TMEM106B: variants seen among roughly 807,000 people sequenced by gnomAD.
TMEM106B encodes the protein transmembrane protein 106B.
A neutral mutation model predicts 31.1 loss-of-function variants in TMEM106B; 15 were observed. That is an observed-to-expected ratio of 0.48 (90% CI 0.32 to 0.74). The LOEUF (loss-of-function observed/expected upper bound fraction) is 0.74. TMEM106B is among the 30% of genes least tolerant of loss of function. The probability of loss-of-function intolerance (pLI) is 0.03; values close to 1 mark genes in which losing one functional copy is unlikely to be tolerated. For missense variants in TMEM106B, 283 were observed against 327.3 expected (o/e 0.86, Z 1.04); for synonymous variants, 126 against 112.5 (o/e 1.12, Z -0.76).
Position 12,231,929 on chromosome 7 carries a change from A to T in TMEM106B, c.779A>T (p.Gln260Leu). The change falls in exon 8 of 8, where the codon CAG becomes CTG. Residue 260 changes from glutamine (Q) to leucine (L), a missense_variant. By Grantham distance (113) the Gln-to-Leu change is moderately radical (BLOSUM62 -2). Around this residue, in one of 3 missense-constraint regions of TMEM106B, gnomAD observed 201 missense variants for 211.5 expected, o/e 0.95. Coordinates refer to ENST00000396668, the MANE Select transcript of TMEM106B (RefSeq NM_001134232.2). ...YVDCGRNTTY[Q>L]LGQSEYLNVL... is the part of the protein sequence containing the mutation. ...GACTGTGGAAGAAACACAACTTATC[A>T]GTTGGGGCAGTCTGAATATTTAAAT... The T allele has an allele frequency of 6.2e-7, 1 of 1,612,430 alleles. No homozygotes were observed. The highest frequency in any genetic ancestry group is 8.5e-7 in the Non-Finnish European group (1 of 1,178,864).
chr7:12,223,582 G>C (rs545274025), intron 3 of TMEM106B, among the ~76,000 whole-genome samples: 1 of 152,202 alleles, frequency 6.6e-6, no homozygotes, highest in East Asian at 1.9e-4. Flanking sequence ...CTGCTTCAGT[G>C]AATTCAGAGG....
chr7:12,230,589 T>G (rs1005190635), intron 6 of TMEM106B, 151 bp downstream of exon 6: 2 of 530,582 alleles, frequency 3.8e-6, no homozygotes, highest in Non-Finnish European at 6.5e-6. Context: ...TGTTCCTCTT[T>G]TTCAACATAT....
chr7:12,215,706 C>A, intron 2 of TMEM106B: 1 of 249,308 alleles, frequency 4.0e-6, no homozygotes. Flanking sequence ...CTGTGAGCCA[C>A]CACGCCTGGC....
At chr7:12,230,355 T>C (rs1781994948) in intron 5 of TMEM106B, 34 bp from the exon 6 acceptor site, 2 of 1,494,458 alleles carry the variant, frequency 1.3e-6, no homozygotes, top group Non-Finnish European at 9.3e-7. Context: ...GTTTTGATCT[T>C]GTTCTCTATC....
rs2128529922 is a variant in TMEM106B, at chr7:12,239,467, TC to T, written c.*7493del. 1 of 152,306 alleles carries T rather than the reference TC, an allele frequency of 6.6e-6. No individual in the cohort carries two copies. Among genetic ancestry groups the T allele is most frequent in the East Asian group, 1.9e-4 (1 of 5,178 alleles). 9.4% of individuals were successfully genotyped at this position (152,306 alleles called of 1,614,324 possible). ...AAGGAAATAGCACTTTTAATTTCCT[TC>T]AAGAACTTTTCCTTTGCCTTCACAA... On this transcript the variant is annotated 3_prime_UTR_variant, in exon 8 of 8. Transcript: ENST00000396668.
intron 6 of TMEM106B, 160 bp from the exon 7 acceptor site, chr7:12,230,902 G>A: frequency 1.9e-6 from 1 of 516,878 alleles, no homozygotes; most frequent in Non-Finnish European, 3.4e-6. Flanking sequence ...CGAGTAAGAA[G>A]TCATGAATAT....
chr7:12,215,097 G>A (rs1187513120), intron 2 of TMEM106B, 70 bp downstream of exon 2: 2 of 1,381,432 alleles, frequency 1.4e-6, no homozygotes, highest in Admixed American at 4.2e-5. Flanking sequence ...AAAAACTGTG[G>A]GTCTCAGGAA....
chr7:12,231,248 G>A (rs962325580), intron 7 of TMEM106B, 133 bp downstream of exon 7: 4 of 622,798 alleles, frequency 6.4e-6, no homozygotes, highest in African/African-American at 3.9e-5. Context: ...AGTGCTATGA[G>A]TAAATATCAC....
intron 1 of TMEM106B, among the ~76,000 whole-genome samples, chr7:12,212,947 T>C (rs575244701): frequency 2.0e-5 from 3 of 152,336 alleles, no homozygotes; most frequent in African/African-American, 7.2e-5. Context: ...AGGAGTATAA[T>C]TATGTTATTT....
At chr7:12,213,922 G>A (rs920669912) in intron 1 of TMEM106B, among the ~76,000 whole-genome samples, 3 of 152,096 alleles carry the variant, frequency 2.0e-5, no homozygotes, top group Admixed American at 1.3e-4. Flanking sequence ...GTGGGTGGAG[G>A]GGATTGAACA....
chr7:12,222,395 G>A (rs1309350084), intron 3 of TMEM106B, among the ~76,000 whole-genome samples: 1 of 152,114 alleles, frequency 6.6e-6, no homozygotes, highest in African/African-American at 2.4e-5. Flanking sequence ...GTTCAGTAAT[G>A]TTCGTTATGG....
intron 4 of TMEM106B, among the ~76,000 whole-genome samples, chr7:12,225,971 A>C (rs1421637847): frequency 6.6e-6 from 1 of 151,978 alleles, no homozygotes; most frequent in Non-Finnish European, 1.5e-5. Context: ...GTTTTCTTCT[A>C]GGGTTTTTAT....
In TMEM106B at chr7:12,234,597, GGAATA is replaced by G. The variant is rs982044188; in HGVS notation, c.*2624_*2628del. The G allele has an allele frequency of 6.6e-5, 10 of 151,842 alleles. No individual in the cohort carries two copies. The highest frequency in any genetic ancestry group is 2.4e-4 in the African/African-American group (10 of 41,504). 9.4% of individuals were successfully genotyped at this position (151,842 alleles called of 1,614,324 possible). A position where few individuals can be genotyped will look rare whatever the true frequency, so the allele number is the denominator to read the frequency against. Reference sequence around the variant, plus strand: ...AATGTCCAGTGTGCTTTTTTCCATGGGAATAGGATAGGTATTAATACGCTTTTCTA... The same window carrying G: ...AATGTCCAGTGTGCTTTTTTCCATGGGGATAGGTATTAATACGCTTTTCTA... On this transcript the variant is annotated 3_prime_UTR_variant, in exon 8 of 8. Transcript: ENST00000396668.
rs548247737 is a variant in TMEM106B, at chr7:12,219,387, C to T, written c.281+866C>T. The stretch of plus-strand genomic sequence containing the variant: ...AAAGCAACGCTGGCATATTCCATCA[C>T]CGCAAATGAAACCTTTTCTTGAAAG... On this transcript the variant is annotated intron_variant, in intron 3 of 7. Transcript: ENST00000396668. Among the ~76,000 whole-genome samples, 10 of 152,304 alleles carry T rather than the reference C, an allele frequency of 6.6e-5. No individual in the cohort carries two copies. In the South Asian group the frequency reaches 1.9e-3, roughly 28 times the overall value.
Position 12,237,925 on chromosome 7 carries a change from C to G in TMEM106B, c.*5950C>G, listed in dbSNP as rs1782172451. 6.6e-6 allele frequency: 1 copy of G among 152,042 alleles called. No homozygotes were observed. The highest frequency in any genetic ancestry group is 1.5e-5 in the Non-Finnish European group (1 of 68,116). The allele number at this position is 152,042 out of a possible 1,614,324, so 9.4% of individuals were successfully genotyped here. On this transcript the variant is annotated 3_prime_UTR_variant, in exon 8 of 8. Transcript: ENST00000396668. ...TATACTCCTTTTGCCGGCACAGGAT[C>G]TTGTCTGGATGTTGTTTGCTGATAG...
intron 1 of TMEM106B, among the ~76,000 whole-genome samples, chr7:12,212,494 T>C (rs1422035003): frequency 3.8e-5 from 1 of 26,174 alleles, no homozygotes; most frequent in African/African-American, 1.2e-4. Context: ...AAATACATAG[T>C]TTTTTTTTTT....
rs367778603 is a variant in TMEM106B at position 12,230,409 on chromosome 7, C to T, written c.603C>T (p.Thr201=). 33 of 1,602,528 alleles carry T rather than the reference C, an allele frequency of 2.1e-5. No homozygotes were observed. Among genetic ancestry groups the T allele is most frequent in the South Asian group, 2.2e-5 (2 of 89,608 alleles). The part of the protein sequence containing the change: ...DMKQIDYTVP[T]VIAEEMSYMY... The stretch of plus-strand genomic sequence containing the variant: ...TTCAGATTGATTACACAGTACCTAC[C>T]GTTATAGCAGAGGAAATGAGTTATA... Residue 201 remains threonine, a synonymous_variant, in exon 6 of 8, where the codon ACC becomes ACT. Coordinates refer to ENST00000396668, the MANE Select transcript of TMEM106B (RefSeq NM_001134232.2).
Position 12,236,454 on chromosome 7 carries a change from T to C in TMEM106B, c.*4479T>C, listed in dbSNP as rs1043021755. 1.3e-5 allele frequency: 2 copies of C among 152,014 alleles called. No individual in the cohort carries two copies. The highest frequency in any genetic ancestry group is 4.8e-5 in the African/African-American group (2 of 41,448). 9.4% of individuals were successfully genotyped at this position (152,014 alleles called of 1,614,324 possible). A position where few individuals can be genotyped will look rare whatever the true frequency, so the allele number is the denominator to read the frequency against. On this transcript the variant is annotated 3_prime_UTR_variant, in exon 8 of 8. Transcript: ENST00000396668. ...ACAAATATGGCAGATTTTTCATAAC[T>C]AAGTCTTAAGTCTTCTAAAAGGAAG...
intron 4 of TMEM106B, among the ~76,000 whole-genome samples, 169 bp from the exon 5 acceptor site, chr7:12,229,510 G>A (rs559274051): frequency 6.6e-6 from 1 of 152,026 alleles, no homozygotes; most frequent in Non-Finnish European, 1.5e-5. Context: ...TACATACATA[G>A]TACTCGTGCA....
Sources: allele counts gnomAD v4.1 joint callset (sites outside exome capture counted in the v4.1 genomes callset), GRCh38; gene constraint gnomAD v4.1.1; regional missense constraint gnomAD v4.1.1; transcripts MANE v1.5; gene names NCBI Gene and HGNC (gene_info 2026-07-23, HGNC 2026-07-21).